DDX10: variants seen among roughly 807,000 people sequenced by gnomAD.
DDX10 encodes DEAD-box helicase 10, also known as probable ATP-dependent RNA helicase DDX10.
DDX10 carries 74 observed loss-of-function variants against 104.3 expected under a neutral mutation model. That is an observed-to-expected ratio of 0.71 (90% CI 0.59 to 0.86). The LOEUF (loss-of-function observed/expected upper bound fraction) is 0.86, where lower values mean the gene tolerates loss of function less well. Among genes scored for constraint, DDX10 ranks in the 40% least tolerant of loss-of-function variants. DDX10 has a pLI of 0.00. For missense variants in DDX10, 952 were observed against 1,040.0 expected, an observed-to-expected ratio of 0.92 and a Z score of 1.16; for synonymous variants, 351 against 353.4, an observed-to-expected ratio of 0.99 and a Z score of 0.08.
chr11:108,864,342 C>T (rs865781548), intron 16 of DDX10, among the ~76,000 whole-genome samples: 5 of 152,062 alleles, frequency 3.3e-5, no homozygotes, highest in African/African-American at 1.2e-4. Context: ...TGTGTTCATG[C>T]AGTATATATG....
intron 13 of DDX10, among the ~76,000 whole-genome samples, chr11:108,734,731 T>C (rs926626335): frequency 6.6e-6 from 1 of 152,210 alleles, no homozygotes; most frequent in Non-Finnish European, 1.5e-5. Context: ...TATTTATCTT[T>C]ATTTTAAGGT....
intron 16 of DDX10, among the ~76,000 whole-genome samples, chr11:108,889,381 A>T (rs1292542076): frequency 6.6e-6 from 1 of 152,164 alleles, no homozygotes; most frequent in African/African-American, 2.4e-5. Context: ...GATGAAAGGT[A>T]TTATTCTTTT....
intron 13 of DDX10, among the ~76,000 whole-genome samples, chr11:108,733,664 T>C (rs1023543671): frequency 4.6e-5 from 7 of 152,114 alleles, no homozygotes; most frequent in Non-Finnish European, 1.0e-4. Context: ...TTCCCGTCAT[T>C]TCTACATTTA....
At chr11:108,789,466 A>G (rs1270993704) in intron 13 of DDX10, among the ~76,000 whole-genome samples, 3 of 152,342 alleles carry the variant, frequency 2.0e-5, no homozygotes, top group South Asian at 4.1e-4. Context: ...GTCTGCAGCT[A>G]TCTTGAGAGG....
At chr11:108,788,821 T>C (rs978758815) in intron 13 of DDX10, among the ~76,000 whole-genome samples, 1 of 152,228 alleles carries the variant, frequency 6.6e-6, no homozygotes, top group African/African-American at 2.4e-5. Context: ...TTGGTTCTTT[T>C]GTATTTTGGT....
chr11:108,819,875 C>T (rs1342459224), intron 13 of DDX10, among the ~76,000 whole-genome samples: 1 of 152,214 alleles, frequency 6.6e-6, no homozygotes. Context: ...CTGGAGATTA[C>T]AGGCATGAGC....
intron 13 of DDX10, among the ~76,000 whole-genome samples, chr11:108,778,528 T>G (rs1342190051): frequency 2.0e-5 from 3 of 152,086 alleles, no homozygotes; most frequent in Middle Eastern, 3.4e-3. Flanking sequence ...CCTTACACCT[T>G]ATACAAAAAT....
chr11:108,749,074 CTCTCTCTCTCTCTA>C (rs2094335262), intron 13 of DDX10, among the ~76,000 whole-genome samples: 1 of 151,444 alleles, frequency 6.6e-6, no homozygotes, highest in Non-Finnish European at 1.5e-5. Flanking sequence ...CTCTCTTTCT[CTCTCTCTCTCTCTA>C]TATATATATT....
rs779660159 is a variant in DDX10 at position 108,940,433 on chromosome 11, G to A, written c.*10G>A. The A allele has an allele frequency of 2.5e-6, 4 of 1,609,806 alleles. No individual in the cohort carries two copies. The highest frequency in any genetic ancestry group is 3.4e-6 in the Non-Finnish European group (4 of 1,178,288). On this transcript the variant is annotated 3_prime_UTR_variant, in exon 18 of 18. Coordinates refer to ENST00000322536, the MANE Select transcript of DDX10 (RefSeq NM_004398.4). The stretch of plus-strand genomic sequence containing the variant: ...AAGAAGTCAAAGCTAAATACTTCCT[G>A]CGCCTGCCTTCTCCTTGAAACCTTG...
intron 6 of DDX10, among the ~76,000 whole-genome samples, chr11:108,680,005 C>T (rs745870630): frequency 4.6e-5 from 7 of 152,086 alleles, no homozygotes; most frequent in African/African-American, 1.7e-4. Context: ...TTTTTGGGTA[C>T]GGAATCATCC....
intron 16 of DDX10, among the ~76,000 whole-genome samples, chr11:108,898,122 C>G (rs1185840197): frequency 2.6e-5 from 4 of 152,126 alleles, no homozygotes; most frequent in African/African-American, 9.7e-5. Flanking sequence ...CCTCCAGTAT[C>G]CCACAAATTT....
At chr11:108,852,245 A>G (rs1453131747) in intron 16 of DDX10, 36 bp downstream of exon 16, 8 of 1,545,492 alleles carry the variant, frequency 5.2e-6, no homozygotes, top group Non-Finnish European at 7.1e-6. Flanking sequence ...TCCAAGCTCT[A>G]TTAAGGTAGA....
intron 13 of DDX10, among the ~76,000 whole-genome samples, chr11:108,786,948 A>G (rs887226023): frequency 1.3e-5 from 2 of 152,108 alleles, no homozygotes; most frequent in Non-Finnish European, 2.9e-5. Flanking sequence ...TCTGTGAGCT[A>G]TTGTGCTTGA....
intron 13 of DDX10, among the ~76,000 whole-genome samples, chr11:108,731,400 C>A (rs370522264): frequency 5.3e-5 from 8 of 152,104 alleles, no homozygotes; most frequent in African/African-American, 1.9e-4. Flanking sequence ...TACCTACTTT[C>A]GAATTTTAAA....
chr11:108,871,666 C>T (rs541736183), intron 16 of DDX10, among the ~76,000 whole-genome samples: 2 of 152,304 alleles, frequency 1.3e-5, no homozygotes, highest in South Asian at 4.1e-4. Flanking sequence ...CGTTGGCTCA[C>T]GCCTCAATCC....
chr11:108,776,928 G>T (rs191393285), intron 13 of DDX10, among the ~76,000 whole-genome samples: 1 of 152,222 alleles, frequency 6.6e-6, no homozygotes, highest in African/African-American at 2.4e-5. Context: ...GAGCTTCCAG[G>T]TGGGGACTTG....
chr11:108,743,209 A>G (rs1489646185), intron 13 of DDX10, among the ~76,000 whole-genome samples: 3 of 152,206 alleles, frequency 2.0e-5, no homozygotes, highest in Non-Finnish European at 4.4e-5. Flanking sequence ...TCCCTGGGAT[A>G]CAAGGTTGGT....
intron 6 of DDX10, among the ~76,000 whole-genome samples, chr11:108,684,196 T>TTA (rs2094239840): frequency 7.2e-6 from 1 of 138,704 alleles, no homozygotes; most frequent in African/African-American, 2.5e-5. Flanking sequence ...TTTTTAATTT[T>TTA]TTTTTTTATT....
At chr11:108,907,730 G>A (rs1159629685) in intron 16 of DDX10, among the ~76,000 whole-genome samples, 1 of 152,082 alleles carries the variant, frequency 6.6e-6, no homozygotes, top group African/African-American at 2.4e-5. Context: ...CAAAGTTGGG[G>A]TTTTCAAGTA....
Sources: allele counts gnomAD v4.1 joint callset (sites outside exome capture counted in the v4.1 genomes callset), GRCh38; gene constraint gnomAD v4.1.1; transcripts MANE v1.5; gene names NCBI Gene and HGNC (gene_info 2026-07-23, HGNC 2026-07-21).